Variants in SFMBT2 observed in about 807,000 individuals in gnomAD.
SFMBT2 encodes Scm like with four mbt domains 2.
A neutral mutation model predicts 110.1 loss-of-function variants in SFMBT2; 38 were observed. The observed-to-expected ratio is 0.35, with a 90% confidence interval of 0.27 to 0.45. The LOEUF (loss-of-function observed/expected upper bound fraction) is 0.45, where lower values mean the gene tolerates loss of function less well. Among genes scored for constraint, SFMBT2 ranks in the 20% least tolerant of loss-of-function variants. The pLI is 1.00. For missense variants in SFMBT2, 1,011 were observed against 1,094.9 expected (o/e 0.92, Z 1.08); for synonymous variants, 425 against 425.4 (o/e 1.00, Z 0.01).
At chr10:7,333,839 G>A (rs1843636274) in intron 4 of SFMBT2, among the ~76,000 whole-genome samples, 1 of 142,746 alleles carries the variant, frequency 7.0e-6, no homozygotes, top group Non-Finnish European at 1.5e-5. Context: ...TTCTTCTTTT[G>A]TTAAATATCG....
chr10:7,341,888 A>C (rs1843916360), intron 4 of SFMBT2, among the ~76,000 whole-genome samples: 1 of 152,222 alleles, frequency 6.6e-6, no homozygotes, highest in South Asian at 2.1e-4. Flanking sequence ...GTTTCCCATA[A>C]TAAAAAGTTT....
chr10:7,318,967 G>A (rs1262381650), intron 4 of SFMBT2, among the ~76,000 whole-genome samples: 1 of 152,174 alleles, frequency 6.6e-6, no homozygotes, highest in Admixed American at 6.5e-5. Context: ...AAGGCCCCGG[G>A]CCATAAACCA....
intron 4 of SFMBT2, among the ~76,000 whole-genome samples, chr10:7,332,745 A>G (rs911128090): frequency 1.3e-5 from 2 of 152,228 alleles, no homozygotes; most frequent in Non-Finnish European, 2.9e-5. Flanking sequence ...CAAATAGAGA[A>G]CCAGTCTGAG....
chr10:7,389,779 A>G (rs1845718167), intron 1 of SFMBT2, among the ~76,000 whole-genome samples: 3 of 152,182 alleles, frequency 2.0e-5, no homozygotes, highest in African/African-American at 7.2e-5. Context: ...CCCCTTTCAA[A>G]TCTAAAATTT....
intron 12 of SFMBT2, chr10:7,204,498 G>C: frequency 1.1e-6 from 1 of 947,276 alleles, no homozygotes; most frequent in Non-Finnish European, 1.2e-6. Flanking sequence ...ATATGCATTA[G>C]GGTAGAATAA....
intron 4 of SFMBT2, among the ~76,000 whole-genome samples, chr10:7,364,189 T>C (rs115367062): frequency 1.4e-3 from 216 of 152,344 alleles, no homozygotes; most frequent in African/African-American, 5.0e-3. Flanking sequence ...GCTCTCCATA[T>C]TAAAGATTTC....
At chr10:7,248,413 G>A (rs540137430) in intron 8 of SFMBT2, 135 bp downstream of exon 8, 91 of 691,256 alleles carry the variant, frequency 1.3e-4, no homozygotes, top group Non-Finnish European at 1.8e-4. Flanking sequence ...CTGGAAGGGC[G>A]GCAATCTTCC....
chr10:7,316,619 T>C (rs1843020414), intron 4 of SFMBT2, among the ~76,000 whole-genome samples: 1 of 152,154 alleles, frequency 6.6e-6, no homozygotes, highest in Non-Finnish European at 1.5e-5. Context: ...ACAGGACAAG[T>C]CACTCAAGCC....
intron 7 of SFMBT2, among the ~76,000 whole-genome samples, chr10:7,268,072 G>T (rs1473880997): frequency 1.3e-5 from 2 of 152,192 alleles, no homozygotes; most frequent in Non-Finnish European, 2.9e-5. Flanking sequence ...CTCAGATATG[G>T]AATACGATTT....
intron 20 of SFMBT2, among the ~76,000 whole-genome samples, chr10:7,169,287 C>T (rs143477536): frequency 6.6e-5 from 10 of 152,328 alleles, no homozygotes; most frequent in African/African-American, 1.9e-4. Flanking sequence ...TCAGCATGAA[C>T]TTAGTGGGTG....
intron 16 of SFMBT2, among the ~76,000 whole-genome samples, chr10:7,178,354 C>T (rs1352959556): frequency 6.6e-6 from 1 of 152,210 alleles, no homozygotes; most frequent in Non-Finnish European, 1.5e-5. Context: ...CTTTTCAACG[C>T]ACTAGGAAAA....
rs745387643 is a variant in SFMBT2, at chr10:7,176,024, T to C, written c.1950A>G (p.Pro650=). The stretch of plus-strand genomic sequence containing the variant: ...TTTTGGTATGAATGGAGCAGTTCTC[T>C]GGGCAGTTTTCAGATATCAGCACAG... ...FSPVLISENC[P]ENCSIHTKTK... The change falls in exon 17 of 21, where the codon CCA becomes CCG. Residue 650 remains proline (P), a synonymous_variant. Transcript: ENST00000397167. 3.1e-6 allele frequency: 5 copies of C among 1,614,114 alleles called. No homozygotes were observed. The highest frequency in any genetic ancestry group is 4.2e-6 in the Non-Finnish European group (5 of 1,180,050).
intron 4 of SFMBT2, among the ~76,000 whole-genome samples, chr10:7,350,504 A>G (rs1227576874): frequency 1.3e-5 from 2 of 152,120 alleles, no homozygotes; most frequent in Non-Finnish European, 2.9e-5. Flanking sequence ...GCTTCCTCCT[A>G]ATAAATGTCT....
chr10:7,335,592 CA>C (rs1476398227), intron 4 of SFMBT2, among the ~76,000 whole-genome samples: 36 of 150,574 alleles, frequency 2.4e-4, no homozygotes, highest in African/African-American at 8.6e-4. Context: ...AACACACACA[CA>C]CACACACACA....
At chr10:7,173,138 G>A (rs1024256434) in intron 17 of SFMBT2, among the ~76,000 whole-genome samples, 1 of 152,222 alleles carries the variant, frequency 6.6e-6, no homozygotes, top group Non-Finnish European at 1.5e-5. Context: ...ACTGTGGGAG[G>A]TAAGTGTGCG....
Position 7,293,089 on chromosome 10 carries a change from CTCTG to C in SFMBT2, c.437-7139_437-7136del, listed in dbSNP as rs1190679948. 1.3e-5 allele frequency among the ~76,000 whole-genome samples: 2 copies of C among 152,164 alleles called. No individual in the cohort carries two copies. Among genetic ancestry groups the C allele is most frequent in the Admixed American group, 6.5e-5 (1 of 15,280 alleles). On this transcript the variant is annotated intron_variant, in intron 4 of 20. Transcript: ENST00000397167. The surrounding 1 kb of genome is among the most constrained non-coding windows in gnomAD (Gnocchi z 4.6). Reference sequence around the variant, plus strand: ...TGACATTAGGGTGAAAGGAGTCTCACTCTGTCTGGAATGCAGTGGCGCGATCTCG... The same window carrying C: ...TGACATTAGGGTGAAAGGAGTCTCACTCTGGAATGCAGTGGCGCGATCTCG...
chr10:7,248,177 A>G (rs556188443), intron 8 of SFMBT2, among the ~76,000 whole-genome samples: 31 of 152,356 alleles, frequency 2.0e-4, no homozygotes, highest in African/African-American at 7.0e-4. Context: ...GGAGATGAGA[A>G]TTTGCTTTGC....
chr10:7,198,228 A>C, intron 14 of SFMBT2: 1 of 813,868 alleles, frequency 1.2e-6, no homozygotes, highest in Non-Finnish European at 1.5e-6. Flanking sequence ...GTAAATGCGG[A>C]TCTAGAAAGT....
At chr10:7,386,204 G>T (rs1251167416) in intron 1 of SFMBT2, among the ~76,000 whole-genome samples, 2 of 152,142 alleles carry the variant, frequency 1.3e-5, no homozygotes, top group Admixed American at 1.3e-4. Flanking sequence ...GTGGGTATGT[G>T]ATTACTTTCG....
Sources: allele counts gnomAD v4.1 joint callset (sites outside exome capture counted in the v4.1 genomes callset), GRCh38; gene constraint gnomAD v4.1.1; non-coding constraint Gnocchi (gnomAD v3.1); transcripts MANE v1.5; gene names NCBI Gene and HGNC (gene_info 2026-07-23, HGNC 2026-07-21).